Variants in NKAIN3 observed in about 807,000 individuals in gnomAD.
NKAIN3 encodes the protein sodium/potassium-transporting ATPase subunit beta-1-interacting protein 3.
A neutral mutation model predicts 30.2 loss-of-function variants in NKAIN3; 25 were observed. The observed-to-expected ratio is 0.83, with a 90% CI of 0.60 to 1.16. The LOEUF (loss-of-function observed/expected upper bound fraction) is 1.16. Ranked by LOEUF, NKAIN3 falls within the 50% of genes most tolerant of loss-of-function variation. NKAIN3 has a pLI of 0.00. For synonymous variants in NKAIN3, 91 were observed against 89.6 expected (o/e 1.02, Z -0.09); for missense variants, 225 against 254.1 (o/e 0.89, Z 0.78).
At chr8:62,418,645 C>G (rs1804531591) in intron 1 of NKAIN3, among the ~76,000 whole-genome samples, 1 of 152,120 alleles carries the variant, frequency 6.6e-6, no homozygotes, top group African/African-American at 2.4e-5. Context: ...TCAGAGTTGT[C>G]TAAAGTATTA....
chr8:62,595,382 CTTT>C (rs1181598520), intron 3 of NKAIN3, among the ~76,000 whole-genome samples: 24 of 109,950 alleles, frequency 2.2e-4, no homozygotes, highest in African/African-American at 8.1e-4. Flanking sequence ...GGGCTATTTT[CTTT>C]TTTTTTTTTT....
intron 1 of NKAIN3, among the ~76,000 whole-genome samples, chr8:62,293,909 T>C (rs1563922646): frequency 6.6e-6 from 1 of 152,148 alleles, no homozygotes; most frequent in Non-Finnish European, 1.5e-5. Context: ...CAGGCTACTT[T>C]GTTTACTTAC....
chr8:62,936,368 A>G (rs1822790600), intron 5 of NKAIN3, among the ~76,000 whole-genome samples: 1 of 152,120 alleles, frequency 6.6e-6, no homozygotes, highest in Non-Finnish European at 1.5e-5. Flanking sequence ...TCCTGCTCTT[A>G]GCTGTCAGCA....
rs756551160 is a variant in NKAIN3 at position 62,981,508 on chromosome 8, T to C, written c.*16101T>C. 4.6e-5 allele frequency: 7 copies of C among 152,236 alleles called. No homozygotes were observed. The highest frequency in any genetic ancestry group is 9.6e-5 in the African/African-American group (4 of 41,556). The allele number at this position is 152,236 out of a possible 1,614,324, so 9.4% of individuals were successfully genotyped here. A position where few individuals can be genotyped will look rare whatever the true frequency, so the allele number is the denominator to read the frequency against. On this transcript the variant is annotated 3_prime_UTR_variant, in exon 7 of 7. Transcript: ENST00000623646. The stretch of plus-strand genomic sequence containing the variant: ...ATCCACATCAGTTCCTAAAGCAAAA[T>C]GCCTGACACAGACTAACAAAGCTCT...
intron 1 of NKAIN3, among the ~76,000 whole-genome samples, chr8:62,262,282 A>G (rs375870763): frequency 1.3e-5 from 2 of 152,152 alleles, no homozygotes; most frequent in African/African-American, 4.8e-5. Context: ...AGGAATCCCA[A>G]TTTATCCTGA....
chr8:62,917,133 C>T (rs1822131927), intron 4 of NKAIN3, among the ~76,000 whole-genome samples: 2 of 152,022 alleles, frequency 1.3e-5, no homozygotes, highest in Admixed American at 6.6e-5. Flanking sequence ...GAGGCCTTAC[C>T]CCCAGGCTAA....
chr8:62,577,018 T>TA (rs887372480), intron 1 of NKAIN3, among the ~76,000 whole-genome samples: 6 of 152,090 alleles, frequency 3.9e-5, no homozygotes, highest in African/African-American at 1.4e-4. Flanking sequence ...AATAATTAGG[T>TA]AAAAAATACA....
Position 62,967,287 on chromosome 8 carries a change from A to G in NKAIN3, c.*1880A>G, listed in dbSNP as rs974757502. ...GAGCAAAAGTTGGGGTTTGGGTCCCATCCACCACCATGTTCTTGGACAGTG... is the reference window on the plus strand; with the variant it reads ...GAGCAAAAGTTGGGGTTTGGGTCCCGTCCACCACCATGTTCTTGGACAGTG... On this transcript the variant is annotated 3_prime_UTR_variant, in exon 7 of 7. Coordinates refer to ENST00000623646, the MANE Select transcript of NKAIN3 (RefSeq NM_001304533.3). 3.3e-5 allele frequency among the ~76,000 whole-genome samples: 5 copies of G among 152,156 alleles called. No individual in the cohort carries two copies. Among genetic ancestry groups the G allele is most frequent in the African/African-American group, 1.2e-4 (5 of 41,448 alleles).
intron 6 of NKAIN3, among the ~76,000 whole-genome samples, chr8:62,955,997 G>T (rs1455488400): frequency 6.6e-6 from 1 of 152,226 alleles, no homozygotes; most frequent in East Asian, 1.9e-4. Flanking sequence ...AATATGGAAT[G>T]CCTTTCAACC....
intron 1 of NKAIN3, among the ~76,000 whole-genome samples, chr8:62,484,856 T>G (rs1042824939): frequency 1.3e-5 from 2 of 152,066 alleles, no homozygotes; most frequent in South Asian, 4.1e-4. Flanking sequence ...CAGACCTTGT[T>G]TGGGCAGCAA....
intron 1 of NKAIN3, among the ~76,000 whole-genome samples, chr8:62,520,551 G>A (rs1346537250): frequency 6.6e-6 from 1 of 151,938 alleles, no homozygotes; most frequent in Admixed American, 6.6e-5. Context: ...ATTTTTATCG[G>A]CAGTACTTGA....
intron 1 of NKAIN3, among the ~76,000 whole-genome samples, chr8:62,307,071 A>C (rs1034207508): frequency 2.7e-5 from 4 of 149,742 alleles, no homozygotes; most frequent in African/African-American, 1.0e-4. Flanking sequence ...AATGTGGTCA[A>C]ATTTCTGAGG....
intron 1 of NKAIN3, among the ~76,000 whole-genome samples, chr8:62,376,923 T>C (rs1442557543): frequency 6.6e-6 from 1 of 152,174 alleles, no homozygotes; most frequent in East Asian, 1.9e-4. Flanking sequence ...ACTTTTATAC[T>C]GACTTTATAT....
chr8:62,814,222 T>C (rs1292791561), intron 4 of NKAIN3, among the ~76,000 whole-genome samples: 1 of 152,026 alleles, frequency 6.6e-6, no homozygotes, highest in Non-Finnish European at 1.5e-5. Context: ...TATCTTGCTA[T>C]ATGGGTTTTT....
intron 1 of NKAIN3, chr8:62,483,386 C>A (rs1585858237): frequency 9.4e-6 from 2 of 212,114 alleles, no homozygotes; most frequent in East Asian, 2.3e-4. Context: ...GGTCGCTTTC[C>A]CCATGTTTCC....
intron 1 of NKAIN3, among the ~76,000 whole-genome samples, chr8:62,506,100 G>A (rs961019940): frequency 6.6e-6 from 1 of 150,956 alleles, no homozygotes; most frequent in African/African-American, 2.4e-5. Context: ...GGACTCATGT[G>A]ATTATATTGG....
At chr8:62,558,007 C>T (rs1421868709) in intron 1 of NKAIN3, among the ~76,000 whole-genome samples, 1 of 151,982 alleles carries the variant, frequency 6.6e-6, no homozygotes, top group African/African-American at 2.4e-5. Flanking sequence ...AAGTGTTTTT[C>T]CAATGCTATC....
At chr8:62,689,584 T>C (rs1332579802) in intron 3 of NKAIN3, among the ~76,000 whole-genome samples, 1 of 152,054 alleles carries the variant, frequency 6.6e-6, no homozygotes, top group Non-Finnish European at 1.5e-5. Context: ...CCTCAGTAGA[T>C]GATGTGCTTG....
intron 1 of NKAIN3, among the ~76,000 whole-genome samples, chr8:62,553,539 C>CT (rs34367834): frequency 0.34 from 48,905 of 142,824 alleles, 8,379 homozygotes; most frequent in African/African-American, 0.42. Flanking sequence ...ATACTGAACA[C>CT]TTTTTTTTTT....
Sources: gnomAD v4.1 joint callset for allele counts (sites outside exome capture counted in the v4.1 genomes callset) on GRCh38, gnomAD v4.1.1 for gene constraint, MANE v1.5 for transcripts, NCBI Gene and HGNC (gene_info 2026-07-23, HGNC 2026-07-21) for gene names.